The following WNT3 variants were observed in gnomAD, a reference collection of about 807,000 sequenced individuals.
WNT3 encodes proto-oncogene Wnt-3.
Under a neutral mutation model 34.2 loss-of-function variants are expected in WNT3, and 7 were observed. The observed-to-expected ratio is 0.20, with a 90% confidence interval of 0.12 to 0.38. The LOEUF is 0.38. WNT3 is among the 10% of genes least tolerant of loss of function. WNT3 has a pLI of 1.00. For missense variants in WNT3, 267 were observed against 499.8 expected, an observed-to-expected ratio of 0.53 and a Z score of 4.44; for synonymous variants, 212 against 211.5, an observed-to-expected ratio of 1.00 and a Z score of -0.02.
Position 46,773,582 on chromosome 17 carries a change from G to A in WNT3, c.322+86C>T, listed in dbSNP as rs904954580. On this transcript the variant is annotated intron_variant, in intron 2 of 4. Transcript: ENST00000225512. ...AGAGGGACCCTGGCTTCAGAGAAGA[G>A]GCACCCTGACTGGGGTGGAAGGGCA... 16 of 1,412,004 alleles carry A rather than the reference G, an allele frequency of 1.1e-5. No individual in the cohort carries two copies. The African/African-American group carries it at 2.3e-4, about 20-fold the overall frequency. The allele number at this position is 1,412,004 out of a possible 1,614,324, so 87.5% of individuals were successfully genotyped here.
At position 46,775,322 on chromosome 17, in the gene WNT3, G is replaced by A. The variant is rs144585371; in HGVS notation, c.81-1413C>T. Among the ~76,000 whole-genome samples, 376 of 152,232 alleles carry A rather than the reference G, an allele frequency of 2.5e-3. 3 individuals carry two copies. The highest frequency in any genetic ancestry group is 8.6e-3 in the African/African-American group (356 of 41,538). ...CAGAGAGTGCCATGTGCCTTCCCCC[G>A]GGTCCCTCCTCCATACTTGAGCTTG... On this transcript the variant is annotated intron_variant, in intron 1 of 4. Transcript: ENST00000225512.
intron 4 of WNT3, among the ~76,000 whole-genome samples, 155 bp from the exon 5 acceptor site, chr17:46,764,776 G>A (rs1366269044): frequency 6.6e-6 from 1 of 152,218 alleles, no homozygotes; most frequent in African/African-American, 2.4e-5. Flanking sequence ...GCTCTCCTCT[G>A]TGCTTTGGGC....
intron 1 of WNT3, among the ~76,000 whole-genome samples, chr17:46,780,358 G>A (rs1020623707): frequency 1.3e-5 from 2 of 152,128 alleles, no homozygotes; most frequent in African/African-American, 4.8e-5. Flanking sequence ...CCTCCCAAAT[G>A]GAATCACACA....
Position 46,817,398 on chromosome 17 carries a change from A to G in WNT3, c.80+1120T>C, listed in dbSNP as rs990443496. Among the ~76,000 whole-genome samples, 4 of 152,064 alleles carry G rather than the reference A, an allele frequency of 2.6e-5. 1 individual carries two copies. The highest frequency in any genetic ancestry group is 9.7e-5 in the African/African-American group (4 of 41,342). On this transcript the variant is annotated intron_variant, in intron 1 of 4. Transcript: ENST00000225512. ...CCCCCGCCCAGGCCAAGGCTCTCCT[A>G]TGTCCAGGAGGGGAAGATTCTTTAA...
At chr17:46,783,057 T>C (rs1301102849) in intron 1 of WNT3, among the ~76,000 whole-genome samples, 1 of 152,064 alleles carries the variant, frequency 6.6e-6, no homozygotes, top group Non-Finnish European at 1.5e-5. Context: ...TAGGGGCTAG[T>C]TCATTCTCTC....
intron 3 of WNT3, among the ~76,000 whole-genome samples, chr17:46,769,367 C>G (rs1229171462): frequency 6.6e-6 from 1 of 151,990 alleles, no homozygotes; most frequent in Non-Finnish European, 1.5e-5. Flanking sequence ...GGAGTTATCT[C>G]CATTTAACAC....
chr17:46,806,818 GGCCGCC>G (rs1283562576), intron 1 of WNT3, among the ~76,000 whole-genome samples: 1 of 152,248 alleles, frequency 6.6e-6, no homozygotes, highest in East Asian at 1.9e-4. Context: ...GGAGATCCCT[GGCCGCC>G]GCTCCCCTCT....
intron 1 of WNT3, among the ~76,000 whole-genome samples, chr17:46,814,183 C>T (rs1304892497): frequency 1.3e-5 from 2 of 152,198 alleles, no homozygotes; most frequent in Admixed American, 6.5e-5. Context: ...CCATCTCTCA[C>T]CTCTTGGCCC....
intron 1 of WNT3, among the ~76,000 whole-genome samples, chr17:46,809,010 A>C (rs568816583): frequency 6.6e-6 from 1 of 152,312 alleles, no homozygotes; most frequent in South Asian, 2.1e-4. Flanking sequence ...ACCCCAGGTC[A>C]ACAGGCCCCA....
At chr17:46,764,922 G>A (rs1015066665) in intron 4 of WNT3, among the ~76,000 whole-genome samples, 28 of 152,216 alleles carry the variant, frequency 1.8e-4, no homozygotes. Context: ...GGTCACTCAG[G>A]ATGGGAGAAA....
intron 2 of WNT3, among the ~76,000 whole-genome samples, chr17:46,772,384 G>T (rs2059381952): frequency 6.6e-6 from 1 of 152,248 alleles, no homozygotes; most frequent in Non-Finnish European, 1.5e-5. Context: ...CTTTCCCCTG[G>T]CTCTTGGCCG....
chr17:46,779,880 T>A (rs986755833), intron 1 of WNT3, among the ~76,000 whole-genome samples: 1 of 152,138 alleles, frequency 6.6e-6, no homozygotes, highest in Non-Finnish European at 1.5e-5. Flanking sequence ...TGCCTCGGCC[T>A]CTCAAGTAGC....
At chr17:46,765,491 G>GGC (rs1487960676) in intron 4 of WNT3, among the ~76,000 whole-genome samples, 1 of 152,252 alleles carries the variant, frequency 6.6e-6, no homozygotes, top group Non-Finnish European at 1.5e-5. Context: ...CCATTTGACA[G>GGC]GCGCTCTCTC....
intron 1 of WNT3, among the ~76,000 whole-genome samples, chr17:46,817,379 C>T (rs1568101152): frequency 1.3e-5 from 2 of 152,216 alleles, no homozygotes; most frequent in Admixed American, 6.5e-5. Context: ...CCTCCCCCCG[C>T]CCAGGCCAAG....
chr17:46,778,121 G>C (rs1035563189), intron 1 of WNT3, among the ~76,000 whole-genome samples: 10 of 152,212 alleles, frequency 6.6e-5, no homozygotes, highest in African/African-American at 1.9e-4. Flanking sequence ...TATGGTTACG[G>C]TGTGTGTGGA....
chr17:46,774,335 A>T (rs1167504462), intron 1 of WNT3, among the ~76,000 whole-genome samples: 2 of 152,222 alleles, frequency 1.3e-5, no homozygotes, highest in East Asian at 3.9e-4. Flanking sequence ...GGACACTTCC[A>T]GTGACTCATG....
chr17:46,806,489 G>A lies in WNT3; in HGVS notation c.80+12029C>T, dbSNP rs536199411. On this transcript the variant is annotated intron_variant, in intron 1 of 4. Coordinates refer to ENST00000225512, the MANE Select transcript of WNT3 (RefSeq NM_030753.5). ...CCCCCAAAGTGCCGGGGTTACAGGC[G>A]TGAGCCACCGCGCCCAGCTGAGCCT... 3.3e-5 allele frequency among the ~76,000 whole-genome samples: 5 copies of A among 152,274 alleles called. No homozygotes were observed. In the South Asian group the frequency reaches 6.2e-4, roughly 19 times the overall value.
Position 46,769,843 on chromosome 17 carries a change from G to C in WNT3, c.528C>G (p.Arg176=). 1.2e-6 allele frequency: 2 copies of C among 1,613,362 alleles called. No individual in the cohort carries two copies. The highest frequency in any genetic ancestry group is 1.7e-6 in the Non-Finnish European group (2 of 1,179,900). Reference sequence around the variant, plus strand: ...CCGAGCGCGCGTCCGGCCTGTTCTCGCGCGCATCCGCGAACTCCCTGGACA... The same window carrying C: ...CCGAGCGCGCGTCCGGCCTGTTCTCCCGCGCATCCGCGAACTCCCTGGACA... ...VLVSREFADA[R]ENRPDARSAM... Residue 176 remains arginine, a synonymous_variant, in exon 3 of 5, where the codon CGC becomes CGG. Transcript: ENST00000225512.
At position 46,773,842 on chromosome 17, in the gene WNT3, C is replaced by G; in HGVS notation, c.148G>C (p.Gly50Arg). The G allele has an allele frequency of 6.2e-7, 1 of 1,613,200 alleles. No individual in the cohort carries two copies. The highest frequency in any genetic ancestry group is 8.5e-7 in the Non-Finnish European group (1 of 1,180,012). ...SQPLLCGSIPGLVPKQLRFCR... is the reference protein window; with the variant it reads ...SQPLLCGSIPRLVPKQLRFCR... ...AAGCGCAGTTGCTTGGGGACCAGGC[C>G]TGGGATGGAGCCGCAGAGCAGGGGC... is the stretch of plus-strand genomic sequence containing the variant. Residue 50 changes from glycine to arginine, a missense_variant, in exon 2 of 5, where the codon GGC becomes CGC. Transcript: ENST00000225512.
Sources: gnomAD v4.1 joint callset for allele counts (sites outside exome capture counted in the v4.1 genomes callset) on GRCh38, gnomAD v4.1.1 for gene constraint, MANE v1.5 for transcripts, NCBI Gene and HGNC (gene_info 2026-07-23, HGNC 2026-07-21) for gene names.